GSDMC: variants seen among roughly 807,000 people sequenced by gnomAD.
GSDMC encodes gasdermin C.
GSDMC carries 59 observed loss-of-function variants against 58.0 expected under a neutral mutation model. The ratio of observed to expected loss-of-function variants is 1.02; its 90% CI spans 0.82 to 1.26. GSDMC has a LOEUF of 1.26. GSDMC is among the 50% of genes most tolerant of loss of function. The pLI, the probability that GSDMC is intolerant of heterozygous loss-of-function variation, is 0.00. For missense variants in GSDMC, 659 were observed against 598.5 expected (o/e 1.10, Z -1.06); for synonymous variants, 241 against 220.2 (o/e 1.09, Z -0.83).
chr8:129,736,202 T>A, the GSDMC span, among the ~76,000 whole-genome samples: 1 of 152,220 alleles, frequency 6.6e-6, no homozygotes, highest in African/African-American at 2.4e-5. Context: ...ACAGCCGAAT[T>A]CTACCAGAGG....
At chr8:129,719,911 C>T in the GSDMC span, among the ~76,000 whole-genome samples, 2 of 152,158 alleles carry the variant, frequency 1.3e-5, no homozygotes, top group African/African-American at 4.8e-5. Context: ...CTTCACTGCA[C>T]TCCAGCCTGG....
chr8:129,759,335 C>T (rs2033568979), intron 6 of GSDMC, among the ~76,000 whole-genome samples: 1 of 152,078 alleles, frequency 6.6e-6, no homozygotes, highest in Non-Finnish European at 1.5e-5. Context: ...TCCACAAGCA[C>T]TGGCAACTAA....
rs111917629 is a variant in GSDMC at position 129,773,646 on chromosome 8, C to T, written c.404+2456G>A. On this transcript the variant is annotated intron_variant, in intron 3 of 13. Transcript: ENST00000276708. ...CTAAAAATAGAAAACATTAGCTGGGCATTGTGGTGGGTGCCTGTAATCCCA... is the reference window on the plus strand; with the variant it reads ...CTAAAAATAGAAAACATTAGCTGGGTATTGTGGTGGGTGCCTGTAATCCCA... 4.1e-3 allele frequency among the ~76,000 whole-genome samples: 621 copies of T among 151,870 alleles called. 3 individuals are homozygous for T. Among genetic ancestry groups the T allele is most frequent in the Non-Finnish European group, 5.4e-3 (367 of 67,910 alleles).
rs2034039186 is a variant in GSDMC at position 129,771,236 on chromosome 8, C to T, written c.404+4866G>A. ...CAATATTAGTAAGAGACTTTAATAC[C>T]CACTCTTACTAATGGCCACGTCCCC... On this transcript the variant is annotated intron_variant, in intron 3 of 13. Transcript: ENST00000276708. Among the ~76,000 whole-genome samples the T allele has an allele frequency of 2.0e-5, 3 of 151,000 alleles. No individual in the cohort carries two copies. In the South Asian group the frequency reaches 6.3e-4, roughly 32 times the overall value.
chr8:129,751,507 C>T, intron 10 of GSDMC, 35 bp downstream of exon 10: 1 of 1,588,012 alleles, frequency 6.3e-7, no homozygotes, highest in Non-Finnish European at 8.6e-7. Flanking sequence ...AGCTCCCACC[C>T]AGAAGCCCCA....
chr8:129,716,122 A>T, the GSDMC span, among the ~76,000 whole-genome samples: 1 of 152,184 alleles, frequency 6.6e-6, no homozygotes, highest in East Asian at 1.9e-4. Context: ...CAATTTTTTT[A>T]AAAAGTGGCA....
intron 10 of GSDMC, among the ~76,000 whole-genome samples, 154 bp downstream of exon 10, chr8:129,751,388 A>G (rs928529155): frequency 1.3e-5 from 2 of 152,112 alleles, no homozygotes; most frequent in Admixed American, 6.5e-5. Flanking sequence ...TTGTTGTCCA[A>G]TAAGTCCTCA....
In GSDMC at chr8:129,762,668, C is replaced by T. The variant is rs750683131; in HGVS notation, c.634G>A (p.Val212Met). The change falls in exon 5 of 14, where the codon GTG becomes ATG. Residue 212 changes from valine to methionine, a missense_variant. Val to Met is a conservative substitution (Grantham distance 21). Transcript: ENST00000276708. ...AGCTGCTTTCTCTTATAAGCCATCA[C>T]CATGCCTTTCTGAAGAGTCAGCGCC... is the stretch of plus-strand genomic sequence containing the variant. ...KKALTLQKGM[V>M]MAYKRKQLVI... 17 of 1,613,900 alleles carry T rather than the reference C, an allele frequency of 1.1e-5. No homozygotes were observed. The highest frequency in any genetic ancestry group is 1.4e-5 in the Non-Finnish European group (16 of 1,179,748).
chr8:129,748,761 T>C, intron 13 of GSDMC, 21 bp from the exon 14 acceptor site: 1 of 1,496,534 alleles, frequency 6.7e-7, no homozygotes, highest in Non-Finnish European at 8.9e-7. Flanking sequence ...GATGATCAGG[T>C]TCTACAGACC....
At chr8:129,740,966 GC>G in the GSDMC span, among the ~76,000 whole-genome samples, 3 of 152,028 alleles carry the variant, frequency 2.0e-5, no homozygotes, top group African/African-American at 7.2e-5. Context: ...TGGTAGCCTT[GC>G]CGTTTCAAGT....
Position 129,776,138 on chromosome 8 carries a change from G to A in GSDMC, c.368C>T (p.Thr123Ile). 1.9e-6 allele frequency: 3 copies of A among 1,613,936 alleles called. No individual in the cohort carries two copies. Among genetic ancestry groups the A allele is most frequent in the South Asian group, 2.2e-5 (2 of 91,060 alleles). The change falls in exon 3 of 14, where the codon ACC becomes ATC. Residue 123 changes from threonine to isoleucine, a missense_variant. By Grantham distance (89) the Thr-to-Ile change is moderately conservative. Coordinates refer to ENST00000276708, the MANE Select transcript of GSDMC (RefSeq NM_031415.3). ...GTCTTCCAGGTTTGGTGATGGGATG[G>A]TAACAATTTGAAACTCGAGGGAGCA... ...HGCSLEFQIV[T>I]IPSPNLEDFQ...
chr8:129,733,172 G>A, the GSDMC span, among the ~76,000 whole-genome samples: 1 of 152,248 alleles, frequency 6.6e-6, no homozygotes, highest in African/African-American at 2.4e-5. Flanking sequence ...GCTCAAAGTG[G>A]GCAGAGCCCA....
intron 5 of GSDMC, among the ~76,000 whole-genome samples, chr8:129,762,335 G>A (rs1006313703): frequency 6.6e-6 from 1 of 152,104 alleles, no homozygotes; most frequent in Non-Finnish European, 1.5e-5. Context: ...GATTAGGGTT[G>A]GAATTTGCCC....
At chr8:129,778,566 GAT>G (rs1245573911) in intron 1 of GSDMC, among the ~76,000 whole-genome samples, 2 of 152,236 alleles carry the variant, frequency 1.3e-5, no homozygotes, top group East Asian at 3.9e-4. Flanking sequence ...AAGATTTCAT[GAT>G]GATGCCAAAA....
At chr8:129,724,915 G>A in the GSDMC span, among the ~76,000 whole-genome samples, 13 of 152,172 alleles carry the variant, frequency 8.5e-5, no homozygotes, top group African/African-American at 3.1e-4. Context: ...AAAAGGCATT[G>A]CAAGGTGGCA....
At chr8:129,732,548 A>G in the GSDMC span, among the ~76,000 whole-genome samples, 3 of 152,222 alleles carry the variant, frequency 2.0e-5, no homozygotes, top group African/African-American at 7.2e-5. Context: ...AAATGATCAC[A>G]CTGGATCTAC....
chr8:129,765,920 A>T, intron 3 of GSDMC, 127 bp from the exon 4 acceptor site: 1 of 650,934 alleles, frequency 1.5e-6, no homozygotes, highest in East Asian at 2.7e-5. Context: ...CAGGTAAGTC[A>T]CCAATGGGTG....
the GSDMC span, among the ~76,000 whole-genome samples, chr8:129,736,723 C>T: frequency 1.3e-5 from 2 of 152,198 alleles, no homozygotes; most frequent in African/African-American, 2.4e-5. Context: ...CTTTTGAAAA[C>T]TGGCACAAGA....
At chr8:129,755,869 TGG>T (rs529186771) in intron 6 of GSDMC, among the ~76,000 whole-genome samples, 134 of 147,924 alleles carry the variant, frequency 9.1e-4, no homozygotes, top group Non-Finnish European at 1.7e-3. Flanking sequence ...AGACTTACAA[TGG>T]ACACAGAAAA....
Sources: gnomAD v4.1 joint callset for allele counts (sites outside exome capture counted in the v4.1 genomes callset) on GRCh38, gnomAD v4.1.1 for gene constraint, MANE v1.5 for transcripts, NCBI Gene and HGNC (gene_info 2026-07-23, HGNC 2026-07-21) for gene names.